The following EDARADD variants were observed in gnomAD, a reference collection of about 807,000 sequenced individuals.
The protein encoded by EDARADD is ectodysplasin-A receptor-associated adapter protein.
EDARADD carries 20 observed loss-of-function variants against 25.6 expected under a neutral mutation model. The observed-to-expected ratio is 0.78, with a 90% CI of 0.55 to 1.14. The LOEUF is 1.14. EDARADD is among the 50% of genes most tolerant of loss of function. EDARADD has a pLI of 0.00. For missense variants in EDARADD, 225 were observed against 270.1 expected (o/e 0.83, Z 1.17); for synonymous variants, 86 against 94.4 (o/e 0.91, Z 0.52).
At chr1:236,406,707 T>C (rs1571916164) in intron 1 of EDARADD, among the ~76,000 whole-genome samples, 1 of 152,230 alleles carries the variant, frequency 6.6e-6, no homozygotes, top group Non-Finnish European at 1.5e-5. Flanking sequence ...TCTGTGGCTG[T>C]GCTATTCCCT....
At chr1:236,362,198 C>T (rs549529197) in intron 3 of EDARADD, among the ~76,000 whole-genome samples, 7 of 152,170 alleles carry the variant, frequency 4.6e-5, no homozygotes, top group Non-Finnish European at 8.8e-5. Context: ...CCTTGGCCTC[C>T]CAAAGTATTG....
chr1:236,405,072 C>T (rs915855730), intron 1 of EDARADD, among the ~76,000 whole-genome samples: 12 of 151,560 alleles, frequency 7.9e-5, no homozygotes, highest in South Asian at 2.1e-4. Flanking sequence ...CCAGCCTGGG[C>T]GACAGAGTGA....
At chr1:236,467,515 T>TCC (rs1659238656) in intron 4 of EDARADD, among the ~76,000 whole-genome samples, 1 of 151,854 alleles carries the variant, frequency 6.6e-6, no homozygotes, top group Admixed American at 6.6e-5. Context: ...ATGATCCTGA[T>TCC]TGTAAAAATG....
chr1:236,390,727 G>A (rs1002238391), upstream of EDARADD, among the ~76,000 whole-genome samples: 3 of 152,116 alleles, frequency 2.0e-5, no homozygotes, highest in African/African-American at 7.2e-5. Context: ...TCCTAGCTCT[G>A]TTCCATCCTA....
At chr1:236,467,428 A>ACG (rs1659231961) in intron 4 of EDARADD, among the ~76,000 whole-genome samples, 1 of 132,984 alleles carries the variant, frequency 7.5e-6, no homozygotes, top group Non-Finnish European at 1.6e-5. Context: ...ACACACGCGC[A>ACG]CACACACACA....
chr1:236,466,674 T>G (rs1346941238), intron 4 of EDARADD, among the ~76,000 whole-genome samples: 1 of 152,068 alleles, frequency 6.6e-6, no homozygotes, highest in Non-Finnish European at 1.5e-5. Flanking sequence ...AGGCTTGTGG[T>G]TAGGTGAAGG....
At chr1:236,418,633 C>T (rs148729647) in intron 3 of EDARADD, among the ~76,000 whole-genome samples, 1 of 152,196 alleles carries the variant, frequency 6.6e-6, no homozygotes, top group Non-Finnish European at 1.5e-5. Context: ...TTTAGAACAA[C>T]GTGTTAATTA....
intron 1 of EDARADD, among the ~76,000 whole-genome samples, chr1:236,407,772 G>A (rs926764040): frequency 2.6e-5 from 4 of 152,196 alleles, no homozygotes; most frequent in African/African-American, 7.2e-5. Flanking sequence ...GTCTTATAAA[G>A]CATTTTGGAG....
chr1:236,402,782 A>G (rs1382892060), intron 1 of EDARADD, among the ~76,000 whole-genome samples: 3 of 152,064 alleles, frequency 2.0e-5, no homozygotes, highest in Non-Finnish European at 2.9e-5. Context: ...CCCAGATACA[A>G]GTTCTGGCTT....
At chr1:236,382,425 A>G (rs575791133) in intron 3 of EDARADD, among the ~76,000 whole-genome samples, 1 of 152,210 alleles carries the variant, frequency 6.6e-6, no homozygotes, top group Admixed American at 6.5e-5. Context: ...CCTTCTTACT[A>G]ACTGTATCAT....
intron 3 of EDARADD, among the ~76,000 whole-genome samples, chr1:236,354,027 G>A (rs897801508): frequency 5.9e-5 from 9 of 151,928 alleles, no homozygotes; most frequent in African/African-American, 1.7e-4. Context: ...TCTGCTCTTC[G>A]GGTTGCGAGG....
At chr1:236,393,627 C>A (rs543665232), upstream of EDARADD, among the ~76,000 whole-genome samples, 2 of 151,922 alleles carry the variant, frequency 1.3e-5, no homozygotes, top group African/African-American at 2.4e-5. Flanking sequence ...GAACTCCTGA[C>A]CTCAAATAAT....
Position 236,405,790 on chromosome 1 carries a change from T to TTTCTTTCTTTCTTTTTCTTTCTTTCTTTC in EDARADD, c.62-3424_62-3423insCTTTCTTTCTTTTTCTTTCTTTCTTTCTT, listed in dbSNP as rs750188716. Among the ~76,000 whole-genome samples the TTTCTTTCTTTCTTTTTCTTTCTTTCTTTC allele has an allele frequency of 1.6e-3, 78 of 49,534 alleles. 1 individual carries two copies. The highest frequency in any genetic ancestry group is 4.0e-3 in the African/African-American group (59 of 14,860). The allele number at this position is 49,534 out of a possible 152,430, so 32.5% of individuals were successfully genotyped here. On this transcript the variant is annotated intron_variant, in intron 1 of 5. Coordinates refer to ENST00000334232, the MANE Select transcript of EDARADD (RefSeq NM_145861.4). ...CTTTCTTTCTTTCTTTCTTTCTTTC[T>TTTCTTTCTTTCTTTTTCTTTCTTTCTTTC]TTTCTTTTTCTTTCTTTCTTTCCTT...
chr1:236,457,939 G>A (rs1658921118), intron 4 of EDARADD, among the ~76,000 whole-genome samples: 1 of 152,108 alleles, frequency 6.6e-6, no homozygotes, highest in African/African-American at 2.4e-5. Context: ...AAACTGGACA[G>A]TTCTTTATCA....
intron 3 of EDARADD, among the ~76,000 whole-genome samples, chr1:236,371,985 C>T (rs763411714): frequency 2.9e-4 from 44 of 151,648 alleles, no homozygotes; most frequent in Middle Eastern, 3.4e-3. Flanking sequence ...GATGGAGTCT[C>T]GCTCTGTCTC....
chr1:236,392,556 A>G (rs2102999126), upstream of EDARADD, among the ~76,000 whole-genome samples: 1 of 149,510 alleles, frequency 6.7e-6, no homozygotes, highest in South Asian at 2.1e-4. Flanking sequence ...GCACAATCTC[A>G]GCTCACTGCA....
chr1:236,433,890 C>CA (rs11392801), intron 4 of EDARADD, among the ~76,000 whole-genome samples: 110,691 of 148,010 alleles, frequency 0.75, 43,049 homozygotes, highest in Non-Finnish European at 0.88. Flanking sequence ...AACAAACAAA[C>CA]AAAAAAAACA....
At chr1:236,427,870 T>G (rs752303126) in intron 4 of EDARADD, among the ~76,000 whole-genome samples, 3 of 152,002 alleles carry the variant, frequency 2.0e-5, no homozygotes. Context: ...ACATATTATT[T>G]CTATTATCTT....
intron 3 of EDARADD, among the ~76,000 whole-genome samples, chr1:236,374,020 T>G (rs1667198650): frequency 6.6e-6 from 1 of 152,230 alleles, no homozygotes; most frequent in Admixed American, 6.5e-5. Context: ...CACTGTGGTC[T>G]AAGAGCAGAT....
Sources: gnomAD v4.1 joint callset for allele counts (sites outside exome capture counted in the v4.1 genomes callset) on GRCh38, gnomAD v4.1.1 for gene constraint, MANE v1.5 for transcripts, NCBI Gene and HGNC (gene_info 2026-07-23, HGNC 2026-07-21) for gene names.